Variants in MAP4K5 observed in about 807,000 individuals in gnomAD.
The protein encoded by MAP4K5 is mitogen-activated protein kinase kinase kinase kinase 5, also known as MAPK/ERK kinase kinase kinase 5.
MAP4K5 carries 82 observed loss-of-function variants against 135.6 expected under a neutral mutation model. The observed-to-expected ratio is 0.60, with a 90% confidence interval of 0.51 to 0.73. MAP4K5 has a LOEUF of 0.73. MAP4K5 is among the 30% of genes least tolerant of loss of function. MAP4K5 has a pLI of 0.00. For missense variants in MAP4K5, 907 were observed against 1,010.9 expected (o/e 0.90, Z 1.39); for synonymous variants, 347 against 335.0 (o/e 1.04, Z -0.39).
intron 30 of MAP4K5, among the ~76,000 whole-genome samples, chr14:50,428,397 A>C (rs1029928862): frequency 6.6e-6 from 1 of 152,140 alleles, no homozygotes; most frequent in South Asian, 2.1e-4. Context: ...TTGGGATTAC[A>C]GGCACCCGCC....
rs191360474 is a variant in MAP4K5 at position 50,492,497 on chromosome 14, G to A, written c.167-6303C>T. Among the ~76,000 whole-genome samples, 77 of 151,738 alleles carry A rather than the reference G, an allele frequency of 5.1e-4. 1 individual carries two copies. In the East Asian group the frequency reaches 9.7e-3, roughly 19 times the overall value. On this transcript the variant is annotated intron_variant, in intron 3 of 32. Transcript: ENST00000682126. ...TAGCCCCACCTACTCAGGAGGCTGA[G>A]CTGGGAGGATTACTTGAGCCCAGGA...
In MAP4K5 at chr14:50,532,081, C is replaced by T. The variant is rs371876381; in HGVS notation, c.-32G>A. ...TTAGGGCCCGGCCCCCGCCAGCTCA[C>T]CCCGCGGCTCCCGGATTCCCGCTAA... On this transcript the variant is annotated 5_prime_UTR_variant, in exon 2 of 33. It adds an upstream start codon to the 5' untranslated region. Transcript: ENST00000682126. 5 of 1,351,662 alleles carry T rather than the reference C, an allele frequency of 3.7e-6. No individual in the cohort carries two copies. The highest frequency in any genetic ancestry group is 4.2e-5 in the Admixed American group (2 of 47,144). The allele number at this position is 1,351,662 out of a possible 1,614,324, so 83.7% of individuals were successfully genotyped here. A position where few individuals can be genotyped will look rare whatever the true frequency, so the allele number is the denominator to read the frequency against.
At chr14:50,504,257 C>T (rs1158480937) in intron 3 of MAP4K5, among the ~76,000 whole-genome samples, 1 of 152,086 alleles carries the variant, frequency 6.6e-6, no homozygotes, top group Non-Finnish European at 1.5e-5. Context: ...AAAACTACTA[C>T]TGCACTCATT....
At chr14:50,450,251 T>C (rs2036453123) in intron 14 of MAP4K5, 1 of 152,172 alleles carries the variant, frequency 6.6e-6, no homozygotes, top group Non-Finnish European at 1.5e-5. Flanking sequence ...CTGGCCATTT[T>C]TAAATAACAG....
chr14:50,540,903 A>G (rs988154153), intron 2 of MAP4K5, among the ~76,000 whole-genome samples: 3 of 152,228 alleles, frequency 2.0e-5, no homozygotes, highest in African/African-American at 7.2e-5. Flanking sequence ...AAAGATATGA[A>G]AGATACAAGT....
intron 28 of MAP4K5, among the ~76,000 whole-genome samples, chr14:50,431,284 G>A (rs1276038381): frequency 6.6e-6 from 1 of 151,432 alleles, no homozygotes; most frequent in African/African-American, 2.4e-5. Flanking sequence ...TTAAGTTTTA[G>A]GGTACATGTG....
Position 50,446,075 on chromosome 14 carries a change from T to C in MAP4K5, c.1185+4A>G. ...TTAGTGTTCAAAATCATTAAGTAGC[T>C]CACCTTAGGAGGTAGGGGAGGTGGT... On this transcript the variant is annotated splice_donor_region_variant and intron_variant, in intron 17 of 32. Coordinates refer to ENST00000682126, the MANE Select transcript of MAP4K5 (RefSeq NM_006575.6). 6.5e-7 allele frequency: 1 copy of C among 1,537,514 alleles called. No homozygotes were observed. The highest frequency in any genetic ancestry group is 8.7e-7 in the Non-Finnish European group (1 of 1,143,004).
chr14:50,531,368 T>C (rs1462845275), intron 2 of MAP4K5, among the ~76,000 whole-genome samples: 1 of 152,192 alleles, frequency 6.6e-6, no homozygotes, highest in East Asian at 1.9e-4. Flanking sequence ...CAAGTTAATA[T>C]CACATTTTTA....
chr14:50,456,161 C>A, intron 14 of MAP4K5: 1 of 277,788 alleles, frequency 3.6e-6, no homozygotes, highest in Non-Finnish European at 6.9e-6. Flanking sequence ...TTATGCATAG[C>A]ATAAATTCAG....
chr14:50,466,769 G>A, intron 10 of MAP4K5, 124 bp from the exon 11 acceptor site: 3 of 491,678 alleles, frequency 6.1e-6, no homozygotes, highest in African/African-American at 3.9e-5. Context: ...AAACTACTAT[G>A]GGATATAGAA....
intron 25 of MAP4K5, 70 bp from the exon 26 acceptor site, chr14:50,437,604 G>C (rs1401167669): frequency 2.8e-6 from 3 of 1,073,392 alleles, no homozygotes; most frequent in African/African-American, 3.2e-5. Context: ...TAAATCAGTT[G>C]CATCAGAATC....
At chr14:50,546,863 G>A (rs1267698685) in intron 1 of MAP4K5, among the ~76,000 whole-genome samples, 1 of 151,968 alleles carries the variant, frequency 6.6e-6, no homozygotes, top group Non-Finnish European at 1.5e-5. Context: ...TATACTTTAA[G>A]TTCTGGGGTA....
At chr14:50,484,042 G>A (rs2037311750) in intron 5 of MAP4K5, among the ~76,000 whole-genome samples, 1 of 151,930 alleles carries the variant, frequency 6.6e-6, no homozygotes, top group Non-Finnish European at 1.5e-5. Flanking sequence ...TGTATTTTTA[G>A]TAGAGATGGG....
chr14:50,446,299 T>C (rs1284453484), intron 16 of MAP4K5, among the ~76,000 whole-genome samples, 178 bp from the exon 17 acceptor site: 1 of 152,216 alleles, frequency 6.6e-6, no homozygotes, highest in Admixed American at 6.5e-5. Context: ...TCAAATTGTA[T>C]GTCTATAAAA....
rs541943270 is a variant in MAP4K5 at position 50,532,098 on chromosome 14, T to C, written c.-49A>G. 8.3e-7 allele frequency: 1 copy of C among 1,211,962 alleles called. No homozygotes were observed. Among genetic ancestry groups the C allele is most frequent in the Non-Finnish European group, 1.2e-6 (1 of 854,420 alleles). The allele number at this position is 1,211,962 out of a possible 1,614,324, so 75.1% of individuals were successfully genotyped here. On this transcript the variant is annotated 5_prime_UTR_variant, in exon 2 of 33. Coordinates refer to ENST00000682126, the MANE Select transcript of MAP4K5 (RefSeq NM_006575.6). Reference sequence around the variant, plus strand: ...CCAGCTCACCCCGCGGCTCCCGGATTCCCGCTAACAAGCACGAACGGCGCC... The same window carrying C: ...CCAGCTCACCCCGCGGCTCCCGGATCCCCGCTAACAAGCACGAACGGCGCC...
chr14:50,458,572 TA>T (rs1439583617), intron 13 of MAP4K5, among the ~76,000 whole-genome samples: 7 of 152,328 alleles, frequency 4.6e-5, no homozygotes. Context: ...TAGTTTAACT[TA>T]ATTTCTATGT....
chr14:50,474,444 T>C (rs956927507), intron 9 of MAP4K5, among the ~76,000 whole-genome samples: 4 of 152,134 alleles, frequency 2.6e-5, no homozygotes, highest in African/African-American at 4.8e-5. Context: ...TCACCTTTTA[T>C]AACATTCACA....
At position 50,461,779 on chromosome 14, in the gene MAP4K5, C is replaced by T. The variant is rs375786085; in HGVS notation, c.936+886G>A. ...ACTAAAAATACAAAAATTAGCCGAG[C>T]GTGGTAGCAGGTACCTGCAGTCCCA... On this transcript the variant is annotated intron_variant, in intron 13 of 32. Coordinates refer to ENST00000682126, the MANE Select transcript of MAP4K5 (RefSeq NM_006575.6). 1.1e-3 allele frequency among the ~76,000 whole-genome samples: 173 copies of T among 152,040 alleles called. 2 individuals are homozygous for T. The South Asian group carries it at 0.033, about 29-fold the overall frequency.
intron 3 of MAP4K5, among the ~76,000 whole-genome samples, chr14:50,499,522 G>C (rs1195453083): frequency 6.6e-6 from 1 of 152,004 alleles, no homozygotes; most frequent in African/African-American, 2.4e-5. Context: ...GCTGGGTGTG[G>C]TGGCACATGC....
Sources: gnomAD v4.1 joint callset for allele counts (sites outside exome capture counted in the v4.1 genomes callset) on GRCh38, gnomAD v4.1.1 for gene constraint, MANE v1.5 for transcripts, NCBI Gene and HGNC (gene_info 2026-07-23, HGNC 2026-07-21) for gene names.